Variants in CEP170 observed in about 807,000 individuals in gnomAD.
CEP170 encodes the protein centrosomal protein of 170 kDa.
Under a neutral mutation model 151.9 loss-of-function variants are expected in CEP170, and 21 were observed. That is an observed-to-expected ratio of 0.14 (90% CI 0.10 to 0.20). CEP170 has a LOEUF of 0.20. Among genes scored for constraint, CEP170 ranks in the 10% least tolerant of loss-of-function variants. CEP170 has a pLI of 1.00. For synonymous variants in CEP170, 356 were observed against 648.8 expected (o/e 0.55, Z 6.86); for missense variants, 964 against 1,892.9 (o/e 0.51, Z 9.11).
intron 16 of CEP170, among the ~76,000 whole-genome samples, chr1:243,139,151 G>C (rs1475371453): frequency 6.6e-6 from 1 of 151,176 alleles, no homozygotes; most frequent in African/African-American, 2.4e-5. Flanking sequence ...ACCCAGGCTG[G>C]AGTGCAGTGG....
At chr1:243,170,929 A>C (rs1383150506) in intron 11 of CEP170, among the ~76,000 whole-genome samples, 2 of 152,242 alleles carry the variant, frequency 1.3e-5, no homozygotes, top group East Asian at 1.9e-4. Flanking sequence ...TGAAGGTGGT[A>C]CCAGAGCCAT....
At chr1:243,213,518 T>C (rs531037871) in intron 3 of CEP170, among the ~76,000 whole-genome samples, 141 of 152,168 alleles carry the variant, frequency 9.3e-4, no homozygotes, top group African/African-American at 3.2e-3. Context: ...ATAAAGCTGA[T>C]AGCATAAGCA....
chr1:243,247,810 T>C (rs2065563417), intron 1 of CEP170, among the ~76,000 whole-genome samples: 1 of 152,218 alleles, frequency 6.6e-6, no homozygotes, highest in Non-Finnish European at 1.5e-5. Context: ...ACATAGTTCT[T>C]CAAATCTAAC....
At chr1:243,251,607 C>T (rs558679904) in intron 1 of CEP170, among the ~76,000 whole-genome samples, 6 of 152,130 alleles carry the variant, frequency 3.9e-5, no homozygotes, top group Middle Eastern at 3.4e-3. Flanking sequence ...TATTATTCAA[C>T]GATTCAATAA....
chr1:243,171,687 T>C (rs1212614101), intron 11 of CEP170, among the ~76,000 whole-genome samples: 1 of 152,184 alleles, frequency 6.6e-6, no homozygotes, highest in Non-Finnish European at 1.5e-5. Flanking sequence ...AATTCTAATA[T>C]CATTTCTGAT....
At position 243,129,354 on chromosome 1, in the gene CEP170, C is replaced by T. The variant is rs1317526409; in HGVS notation, c.4413+6G>A. ...ATGTTTTAATCTTCAAGAAAAATTA[C>T]TATACCATGCTTGAGGTTTTCACAA... On this transcript the variant is annotated splice_donor_region_variant and intron_variant, in intron 18 of 19. Transcript: ENST00000366542. 2 of 1,566,000 alleles carry T rather than the reference C, an allele frequency of 1.3e-6. No individual in the cohort carries two copies. Among genetic ancestry groups the T allele is most frequent in the Admixed American group, 3.7e-5 (2 of 54,602 alleles).
intron 16 of CEP170, among the ~76,000 whole-genome samples, chr1:243,136,556 T>C (rs550768780): frequency 6.6e-6 from 1 of 152,336 alleles, no homozygotes; most frequent in South Asian, 2.1e-4. Flanking sequence ...TCCAACTGAA[T>C]TATAAAAGAG....
intron 1 of CEP170, among the ~76,000 whole-genome samples, chr1:243,235,793 T>C (rs1183964659): frequency 6.6e-6 from 1 of 152,174 alleles, no homozygotes; most frequent in Non-Finnish European, 1.5e-5. Context: ...TTAGATTTGA[T>C]GGGAAAAGCT....
intron 3 of CEP170, among the ~76,000 whole-genome samples, chr1:243,218,098 T>A (rs766289402): frequency 5.3e-5 from 8 of 152,234 alleles, no homozygotes; most frequent in Non-Finnish European, 1.2e-4. Flanking sequence ...ATTGATGATC[T>A]GGGAAAGTGA....
chr1:243,211,775 T>G, intron 4 of CEP170, 111 bp downstream of exon 4: 1 of 1,257,816 alleles, frequency 8.0e-7, no homozygotes, highest in South Asian at 1.4e-5. Context: ...ACCCAATAAA[T>G]AGAAATTCTG....
At chr1:243,217,927 CATCAAG>C (rs1322973151) in intron 3 of CEP170, among the ~76,000 whole-genome samples, 1 of 152,184 alleles carries the variant, frequency 6.6e-6, no homozygotes, top group Non-Finnish European at 1.5e-5. Context: ...GAGCGTTCCA[CATCAAG>C]ATTAGGTGCC....
intron 10 of CEP170, among the ~76,000 whole-genome samples, chr1:243,184,076 C>T (rs1176874314): frequency 2.0e-5 from 3 of 152,000 alleles, no homozygotes; most frequent in Non-Finnish European, 4.4e-5. Flanking sequence ...TTTGTCAGTA[C>T]TTTATGTAGA....
At chr1:243,249,286 C>T (rs1049589543) in intron 1 of CEP170, among the ~76,000 whole-genome samples, 7 of 151,958 alleles carry the variant, frequency 4.6e-5, no homozygotes, top group Non-Finnish European at 7.4e-5. Flanking sequence ...GGCATGGTGG[C>T]GCACACTTGT....
intron 4 of CEP170, among the ~76,000 whole-genome samples, chr1:243,205,464 A>G (rs2061349839): frequency 6.6e-6 from 1 of 152,190 alleles, no homozygotes; most frequent in African/African-American, 2.4e-5. Context: ...CCACAGAAAT[A>G]TGTTAATAGA....
intron 7 of CEP170, among the ~76,000 whole-genome samples, chr1:243,193,524 CAAAA>C: frequency 6.6e-6 from 1 of 152,136 alleles, no homozygotes; most frequent in South Asian, 2.1e-4. Flanking sequence ...TGAAGCAACA[CAAAA>C]AAGCTGGCCA....
At chr1:243,254,725 G>A (rs11576747) in intron 1 of CEP170, among the ~76,000 whole-genome samples, 1 of 151,898 alleles carries the variant, frequency 6.6e-6, no homozygotes, top group Non-Finnish European at 1.5e-5. Flanking sequence ...AATGCACTTA[G>A]GGGATGCGGA....
intron 1 of CEP170, among the ~76,000 whole-genome samples, chr1:243,237,000 TG>T: frequency 6.6e-6 from 1 of 152,198 alleles, no homozygotes; most frequent in Non-Finnish European, 1.5e-5. Flanking sequence ...ATTAACTATT[TG>T]GGAGGTGGGT....
At chr1:243,155,511 T>C (rs2057466697) in intron 14 of CEP170, among the ~76,000 whole-genome samples, 1 of 152,162 alleles carries the variant, frequency 6.6e-6, no homozygotes. Context: ...TATACTGCAG[T>C]AAAATCTAAC....
At chr1:243,134,852 C>T (rs2054856200) in intron 17 of CEP170, among the ~76,000 whole-genome samples, 1 of 151,978 alleles carries the variant, frequency 6.6e-6, no homozygotes, top group Non-Finnish European at 1.5e-5. Flanking sequence ...ATGGAGGGGT[C>T]TGTCAATACA....
Sources: gnomAD v4.1 joint callset for allele counts (sites outside exome capture counted in the v4.1 genomes callset) on GRCh38, gnomAD v4.1.1 for gene constraint, MANE v1.5 for transcripts, NCBI Gene and HGNC (gene_info 2026-07-23, HGNC 2026-07-21) for gene names.